The following ANK2 variants were observed in gnomAD, a reference collection of about 807,000 sequenced individuals.
ANK2 encodes ankyrin-2.
In ANK2, 83 loss-of-function variants were observed where a neutral mutation model predicts 360.5. The observed-to-expected ratio is 0.23, with a 90% confidence interval of 0.19 to 0.28. The LOEUF is 0.28. Ranked by LOEUF, ANK2 falls within the 10% of genes least tolerant of loss-of-function variation. ANK2 has a pLI of 1.00. For missense variants in ANK2, 4,201 were observed against 4,795.7 expected (o/e 0.88, Z 3.66); for synonymous variants, 1,740 against 1,759.5 (o/e 0.99, Z 0.28).
At chr4:112,773,475 A>G in the ANK2 span, among the ~76,000 whole-genome samples, 1 of 152,222 alleles carries the variant, frequency 6.6e-6, no homozygotes, top group African/African-American at 2.4e-5. Flanking sequence ...AGTAAAAAGT[A>G]AAAACTTCTC....
At chr4:113,135,559 G>A (rs1266317746) in intron 1 of ANK2, among the ~76,000 whole-genome samples, 1 of 148,936 alleles carries the variant, frequency 6.7e-6, no homozygotes, top group Non-Finnish European at 1.5e-5. Context: ...AGACATTTAT[G>A]ATAAGAGTAA....
At chr4:113,142,312 T>C (rs2096661782) in intron 1 of ANK2, among the ~76,000 whole-genome samples, 1 of 152,204 alleles carries the variant, frequency 6.6e-6, no homozygotes, top group Non-Finnish European at 1.5e-5. Flanking sequence ...CACTGGAAGA[T>C]AGAACTAGAA....
At position 113,147,594 on chromosome 4, in the gene ANK2, C is replaced by A. The variant is rs373018681; in HGVS notation, c.85-26822C>A. Among the ~76,000 whole-genome samples the A allele has an allele frequency of 2.6e-5, 4 of 152,052 alleles. No homozygotes were observed. The South Asian group carries it at 8.3e-4, about 32-fold the overall frequency. On this transcript the variant is annotated intron_variant, in intron 1 of 45. Coordinates refer to ENST00000357077, the MANE Select transcript of ANK2 (RefSeq NM_001148.6). ...TCTACCTTCAGAAATGATATTCTGC[C>A]CAGAATTTTTCCACTTTGGCCATGG...
intron 15 of ANK2, among the ~76,000 whole-genome samples, chr4:113,277,430 G>T (rs752481830): frequency 6.6e-6 from 1 of 152,194 alleles, no homozygotes; most frequent in Non-Finnish European, 1.5e-5. Context: ...GAATTCAGGT[G>T]TTATAAAAAG....
At chr4:113,086,209 G>T (rs937627155) in intron 1 of ANK2, among the ~76,000 whole-genome samples, 1 of 152,040 alleles carries the variant, frequency 6.6e-6, no homozygotes, top group Non-Finnish European at 1.5e-5. Context: ...ACTACACTTT[G>T]CCTGCCTTTT....
chr4:113,338,549 T>G (rs1290959487), intron 31 of ANK2, among the ~76,000 whole-genome samples: 2 of 139,878 alleles, frequency 1.4e-5, no homozygotes, highest in Admixed American at 7.0e-5. Context: ...TTCACTTTTT[T>G]TTTTTTTTTT....
chr4:112,951,004 C>T (rs2094930606), intron 2 of ANK2, among the ~76,000 whole-genome samples: 1 of 145,242 alleles, frequency 6.9e-6, no homozygotes. Context: ...ATGGCGTGAA[C>T]CCGGGAGGCG....
chr4:113,007,490 G>A (rs541777689), intron 2 of ANK2, among the ~76,000 whole-genome samples: 33 of 152,162 alleles, frequency 2.2e-4, no homozygotes, highest in African/African-American at 7.0e-4. Context: ...TTTTTTTCCC[G>A]TGTGCTTCTT....
At chr4:112,994,217 T>C (rs958366497) in intron 2 of ANK2, among the ~76,000 whole-genome samples, 2 of 152,264 alleles carry the variant, frequency 1.3e-5, no homozygotes, top group Admixed American at 6.5e-5. Context: ...AAAAATTATA[T>C]ATATGGTGCC....
chr4:112,810,170 T>A, the ANK2 span, among the ~76,000 whole-genome samples: 121 of 115,198 alleles, frequency 1.1e-3, no homozygotes, highest in Middle Eastern at 4.3e-3. Flanking sequence ...TTTTTTTTTT[T>A]TTTTTTTTTT....
intron 20 of ANK2, among the ~76,000 whole-genome samples, chr4:113,289,095 GA>G (rs1328588691): frequency 6.6e-6 from 1 of 152,084 alleles, no homozygotes; most frequent in Non-Finnish European, 1.5e-5. Context: ...AAGGTGAATA[GA>G]AGTTCATATT....
chr4:112,745,373 G>C, the ANK2 span, among the ~76,000 whole-genome samples: 1 of 152,074 alleles, frequency 6.6e-6, no homozygotes, highest in Non-Finnish European at 1.5e-5. Context: ...CATGCAATGC[G>C]TAATAATCAC....
At chr4:113,062,345 G>A (rs2073897610) in intron 1 of ANK2, among the ~76,000 whole-genome samples, 1 of 152,000 alleles carries the variant, frequency 6.6e-6, no homozygotes, top group Non-Finnish European at 1.5e-5. Flanking sequence ...ATTTTAAAAT[G>A]AAAGTAATAA....
chr4:113,265,112 A>T (rs560047060), intron 14 of ANK2, 117 bp downstream of exon 14: 1 of 969,038 alleles, frequency 1.0e-6, no homozygotes, highest in African/African-American at 1.6e-5. Flanking sequence ...AAGTGAAAGG[A>T]TCAATTCAAT....
chr4:113,206,770 TC>T (rs2098955100), intron 4 of ANK2, among the ~76,000 whole-genome samples: 2 of 152,326 alleles, frequency 1.3e-5, no homozygotes, highest in Admixed American at 1.3e-4. Context: ...ATGCCTGTAA[TC>T]CCAGCACTTT....
chr4:113,115,426 T>A (rs2094667011), intron 1 of ANK2, among the ~76,000 whole-genome samples: 1 of 152,208 alleles, frequency 6.6e-6, no homozygotes. Context: ...TCTCCCTTCC[T>A]CTACCCTCTG....
intron 1 of ANK2, among the ~76,000 whole-genome samples, chr4:112,883,064 A>C (rs565418543): frequency 1.6e-5 from 1 of 61,686 alleles, no homozygotes; most frequent in Non-Finnish European, 2.9e-5. Flanking sequence ...TTTGAGATGG[A>C]GTTTCACTCT....
rs187099716 is a variant in ANK2, at chr4:112,921,321, G to A, written c.21+16807G>A. Among the ~76,000 whole-genome samples the A allele has an allele frequency of 1.9e-3, 289 of 151,382 alleles. 1 individual carries two copies. The highest frequency in any genetic ancestry group is 0.014 in the Middle Eastern group (4 of 290). ...ATTACAGGCGTGAGCCACTGCACCC[G>A]GCTGATTCTGTGTATTATTTTCTTA... On this transcript the variant is annotated intron_variant, in intron 2 of 30. Coordinates refer to the ANK2 transcript ENST00000503271.
intron 1 of ANK2, among the ~76,000 whole-genome samples, chr4:112,836,612 G>T (rs2061043690): frequency 6.6e-6 from 1 of 152,174 alleles, no homozygotes; most frequent in Non-Finnish European, 1.5e-5. Flanking sequence ...AGGCTGAGGT[G>T]GTCTCATATG....
Sources: gnomAD v4.1 joint callset for allele counts (sites outside exome capture counted in the v4.1 genomes callset) on GRCh38, gnomAD v4.1.1 for gene constraint, MANE v1.5 for transcripts, NCBI Gene and HGNC (gene_info 2026-07-23, HGNC 2026-07-21) for gene names.